The following GMDS variants were observed in gnomAD, a reference collection of about 807,000 sequenced individuals.
The protein encoded by GMDS is GDP-mannose 4,6-dehydratase.
Under a neutral mutation model 49.9 loss-of-function variants are expected in GMDS, and 20 were observed. The ratio of observed to expected loss-of-function variants is 0.40; its 90% CI spans 0.28 to 0.58. The LOEUF (loss-of-function observed/expected upper bound fraction) is 0.58. GMDS is among the 20% of genes least tolerant of loss of function. GMDS has a pLI of 0.42. For synonymous variants in GMDS, 177 were observed against 178.6 expected, an observed-to-expected ratio of 0.99 and a Z score of 0.07; for missense variants, 362 against 481.4, an observed-to-expected ratio of 0.75 and a Z score of 2.32.
At chr6:1,732,523 G>A (rs1766850832) in intron 8 of GMDS, among the ~76,000 whole-genome samples, 1 of 152,128 alleles carries the variant, frequency 6.6e-6, no homozygotes, top group African/African-American at 2.4e-5. Flanking sequence ...TGAATAAGAG[G>A]AGGCCGACAG....
chr6:1,772,555 T>C (rs1768622453), intron 7 of GMDS, among the ~76,000 whole-genome samples: 1 of 152,226 alleles, frequency 6.6e-6, no homozygotes, highest in Non-Finnish European at 1.5e-5. Flanking sequence ...TGAACAGAGA[T>C]GCAGAGGTCA....
At chr6:1,858,969 G>C (rs1279493368) in intron 7 of GMDS, among the ~76,000 whole-genome samples, 1 of 151,852 alleles carries the variant, frequency 6.6e-6, no homozygotes, top group African/African-American at 2.4e-5. Flanking sequence ...GTGTTTTGGG[G>C]GGGGCAGGCA....
chr6:1,979,608 T>C (rs146599941), intron 4 of GMDS, among the ~76,000 whole-genome samples: 325 of 152,202 alleles, frequency 2.1e-3, no homozygotes, highest in African/African-American at 7.6e-3. Flanking sequence ...TGGAACCAAG[T>C]TGGAAAATAT....
chr6:1,734,239 A>C (rs1246790136), intron 8 of GMDS, among the ~76,000 whole-genome samples: 1 of 152,208 alleles, frequency 6.6e-6, no homozygotes, highest in Non-Finnish European at 1.5e-5. Flanking sequence ...TACTCAGCCC[A>C]GGTGTTATGT....
chr6:1,847,091 C>A (rs1282891574), intron 7 of GMDS, among the ~76,000 whole-genome samples: 1 of 152,174 alleles, frequency 6.6e-6, no homozygotes, highest in Non-Finnish European at 1.5e-5. Flanking sequence ...CGGTCTTGCT[C>A]TGCCACCTAG....
In GMDS at chr6:2,001,117, C is replaced by T. The variant is rs114145726; in HGVS notation, c.346-40151G>A. Among the ~76,000 whole-genome samples, 704 of 152,232 alleles carry T rather than the reference C, an allele frequency of 4.6e-3. 4 individuals are homozygous for T. Among genetic ancestry groups the T allele is most frequent in the African/African-American group, 0.016 (650 of 41,544 alleles). On this transcript the variant is annotated intron_variant, in intron 4 of 10. Transcript: ENST00000380815. ...AATTTACATTTTCATCAGTAGTGTA[C>T]GAGATTTCCAATTCTCTAATTTCTT...
At chr6:1,760,024 C>T (rs1768099029) in intron 7 of GMDS, among the ~76,000 whole-genome samples, 2 of 152,220 alleles carry the variant, frequency 1.3e-5, no homozygotes, top group Middle Eastern at 3.4e-3. Flanking sequence ...AAGGGCTGAG[C>T]ACCCAGGCGT....
intron 9 of GMDS, among the ~76,000 whole-genome samples, chr6:1,665,795 G>T (rs562763371): frequency 6.6e-6 from 1 of 152,294 alleles, no homozygotes; most frequent in South Asian, 2.1e-4. Flanking sequence ...GAAAAACAGG[G>T]TCTGTGTACA....
intron 7 of GMDS, among the ~76,000 whole-genome samples, chr6:1,913,148 G>T (rs564729947): frequency 6.6e-6 from 1 of 152,056 alleles, no homozygotes; most frequent in East Asian, 1.9e-4. Flanking sequence ...TTGGGAGGCC[G>T]AGGCGGGCGG....
At chr6:2,213,712 A>G (rs962672433) in intron 1 of GMDS, among the ~76,000 whole-genome samples, 17 of 152,204 alleles carry the variant, frequency 1.1e-4, no homozygotes, top group African/African-American at 3.6e-4. Flanking sequence ...TAGAGGACAC[A>G]GCAGGACCAG....
chr6:2,139,909 G>A (rs75777315), intron 1 of GMDS, among the ~76,000 whole-genome samples: 6,192 of 152,266 alleles, frequency 0.041, 256 homozygotes, highest in South Asian at 0.13. Flanking sequence ...CTTGAGCTGC[G>A]TAGTCCAAGA....
chr6:2,009,644 C>G (rs1211914986), intron 4 of GMDS, among the ~76,000 whole-genome samples: 4 of 152,016 alleles, frequency 2.6e-5, no homozygotes, highest in Admixed American at 1.3e-4. Flanking sequence ...ATAAATCAAG[C>G]AGCAAAGATT....
chr6:2,163,427 G>A (rs1777506101), intron 1 of GMDS, among the ~76,000 whole-genome samples: 1 of 145,850 alleles, frequency 6.9e-6, no homozygotes, highest in Non-Finnish European at 1.5e-5. Context: ...CTATGTGTGT[G>A]TGTGTGTGTG....
intron 7 of GMDS, among the ~76,000 whole-genome samples, chr6:1,914,014 G>A (rs1761218452): frequency 6.6e-6 from 1 of 151,720 alleles, no homozygotes. Context: ...GCTGATGGGA[G>A]AAATGCTACT....
rs530266328 is a variant in GMDS at position 2,187,857 on chromosome 6, C to A, written c.102+57464G>T. On this transcript the variant is annotated intron_variant, in intron 1 of 10. Coordinates refer to ENST00000380815, the MANE Select transcript of GMDS (RefSeq NM_001500.4). ...GGGCTTCAATAAAATTTCTAAAGAA[C>A]AGGAAATTGTGGATTCAAACCACCA... Among the ~76,000 whole-genome samples, 6 of 152,280 alleles carry A rather than the reference C, an allele frequency of 3.9e-5. No individual in the cohort carries two copies. In the South Asian group the frequency reaches 1.0e-3, roughly 26 times the overall value.
intron 1 of GMDS, among the ~76,000 whole-genome samples, chr6:2,242,023 C>A (rs1276211772): frequency 6.6e-6 from 1 of 152,164 alleles, no homozygotes; most frequent in African/African-American, 2.4e-5. Flanking sequence ...AATGAGATTT[C>A]TATCTTAAAG....
intron 9 of GMDS, among the ~76,000 whole-genome samples, chr6:1,626,488 T>A (rs1292208679): frequency 6.6e-6 from 1 of 152,216 alleles, no homozygotes; most frequent in Non-Finnish European, 1.5e-5. Context: ...TTGTATATAT[T>A]TCTACAGGCT....
Position 1,960,799 on chromosome 6 carries a change from G to A in GMDS, c.513C>T (p.Thr171=). The A allele has an allele frequency of 6.2e-7, 1 of 1,604,064 alleles. No homozygotes were observed. The highest frequency in any genetic ancestry group is 1.1e-5 in the South Asian group (1 of 90,174). ...KVQEIPQKET[T]PFYPRSPYGA... The stretch of plus-strand genomic sequence containing the variant: ...CATAGGGTGACCGGGGATAGAAAGG[G>A]GTGGTCTCCTTCTGGGGTATTTCCT... Residue 171 remains threonine, a synonymous_variant, in exon 5 of 11, where the codon ACC becomes ACT. Coordinates refer to ENST00000380815, the MANE Select transcript of GMDS (RefSeq NM_001500.4).
At chr6:1,683,275 C>T (rs933283941) in intron 9 of GMDS, among the ~76,000 whole-genome samples, 2 of 152,190 alleles carry the variant, frequency 1.3e-5, no homozygotes, top group African/African-American at 4.8e-5. Context: ...AGGCGCCCGC[C>T]ACCACGCCCG....
Sources: gnomAD v4.1 joint callset for allele counts (sites outside exome capture counted in the v4.1 genomes callset) on GRCh38, gnomAD v4.1.1 for gene constraint, MANE v1.5 for transcripts, NCBI Gene and HGNC (gene_info 2026-07-23, HGNC 2026-07-21) for gene names.